Variants in JMJD1C observed in about 807,000 individuals in gnomAD.
JMJD1C encodes the protein jumonji domain containing 1C, also known as jumonji domain-containing protein 1C.
A neutral mutation model predicts 245.3 loss-of-function variants in JMJD1C; 31 were observed. That is an observed-to-expected ratio of 0.13 (90% CI 0.09 to 0.17). The LOEUF is 0.17. JMJD1C is among the 10% of genes least tolerant of loss of function. JMJD1C has a pLI of 1.00. For synonymous variants in JMJD1C, 1,057 were observed against 1,017.4 expected (o/e 1.04, Z -0.74); for missense variants, 2,691 against 3,000.2 (o/e 0.90, Z 2.41).
intron 1 of JMJD1C, among the ~76,000 whole-genome samples, chr10:63,454,411 C>T (rs1364475611): frequency 6.6e-6 from 1 of 152,040 alleles, no homozygotes; most frequent in African/African-American, 2.4e-5. Flanking sequence ...GCTTGCACCA[C>T]CACACCCAGC....
In JMJD1C at chr10:63,495,451, A is replaced by T. The variant is rs570958541; in HGVS notation, n.113+26287T>A. On this transcript the variant is annotated intron_variant and non_coding_transcript_variant, in intron 1 of 3. Coordinates refer to the JMJD1C transcript ENST00000633035. ...AAACAATTCATTCATCAACTTTGGAAGACTCTAAGGAAACAGTTCATTAGT... is the reference window on the plus strand; with the variant it reads ...AAACAATTCATTCATCAACTTTGGATGACTCTAAGGAAACAGTTCATTAGT... Among the ~76,000 whole-genome samples, 17 of 152,152 alleles carry T rather than the reference A, an allele frequency of 1.1e-4. No homozygotes were observed. The South Asian group carries it at 3.3e-3, about 30-fold the overall frequency.
intron 1 of JMJD1C, among the ~76,000 whole-genome samples, chr10:63,411,442 G>T (rs2132663652): frequency 6.6e-6 from 1 of 151,942 alleles, no homozygotes; most frequent in South Asian, 2.1e-4. Context: ...GGGATTACAG[G>T]TGCCCACCAC....
At chr10:63,454,785 A>C (rs1310119648) in intron 1 of JMJD1C, among the ~76,000 whole-genome samples, 1 of 152,358 alleles carries the variant, frequency 6.6e-6, no homozygotes, top group African/African-American at 2.4e-5. Flanking sequence ...ACTGAAAAGC[A>C]CAGCTCTGTA....
intron 1 of JMJD1C, among the ~76,000 whole-genome samples, chr10:63,386,681 G>C (rs750815533): frequency 6.6e-6 from 1 of 152,192 alleles, no homozygotes; most frequent in Non-Finnish European, 1.5e-5. Flanking sequence ...GACTGATTTA[G>C]TCAGCCTGTC....
intron 1 of JMJD1C, among the ~76,000 whole-genome samples, chr10:63,423,844 C>G (rs1950272199): frequency 6.6e-6 from 1 of 152,132 alleles, no homozygotes; most frequent in Non-Finnish European, 1.5e-5. Context: ...AAATTATAGT[C>G]ATATTAGTAA....
At position 63,214,905 on chromosome 10, in the gene JMJD1C, T is replaced by G. The variant is rs1449087603; in HGVS notation, c.1262A>C (p.Lys421Thr). 9 of 1,612,872 alleles carry G rather than the reference T, an allele frequency of 5.6e-6. No homozygotes were observed. The highest frequency in any genetic ancestry group is 1.3e-5 in the African/African-American group (1 of 75,006). The change falls in exon 8 of 26, where the codon AAG (lysine) becomes ACG (threonine). Residue 421 changes from lysine to threonine, a missense_variant. Lys to Thr is a moderately conservative substitution (Grantham distance 78). This residue lies in a region of JMJD1C where 1,562 missense variants were observed against 1,490.7 expected (regional missense o/e 1.05). Coordinates refer to ENST00000399262, the MANE Select transcript of JMJD1C (RefSeq NM_032776.3). ...ATTTTTTAGGGTCTCTTCTCCTGCC[T>G]TCTCATTATTATGGGGTTTTCCTTC... is the stretch of plus-strand genomic sequence containing the variant. Reference protein sequence around the residue: ...GEEGKPHNNEKAGEETLKNSQ... With the variant: ...GEEGKPHNNETAGEETLKNSQ...
intron 1 of JMJD1C, among the ~76,000 whole-genome samples, chr10:63,464,534 C>A (rs910100279): frequency 1.3e-5 from 2 of 152,076 alleles, no homozygotes; most frequent in African/African-American, 2.4e-5. Context: ...CATAAATCAA[C>A]CTTTGGAAGT....
At chr10:63,472,474 G>C (rs752709416) in intron 1 of JMJD1C, among the ~76,000 whole-genome samples, 1 of 152,142 alleles carries the variant, frequency 6.6e-6, no homozygotes, top group Non-Finnish European at 1.5e-5. Flanking sequence ...TGGAATTAAA[G>C]GCATGTGCCA....
intron 1 of JMJD1C, among the ~76,000 whole-genome samples, chr10:63,394,264 A>C (rs1407555330): frequency 1.3e-5 from 2 of 152,086 alleles, no homozygotes; most frequent in Non-Finnish European, 2.9e-5. Context: ...TAAGAGAATA[A>C]AGTCCAGAAA....
chr10:63,342,989 A>G (rs1039901215), intron 2 of JMJD1C, among the ~76,000 whole-genome samples: 2 of 152,168 alleles, frequency 1.3e-5, no homozygotes, highest in Non-Finnish European at 2.9e-5. Flanking sequence ...AAATATTCTA[A>G]AACCTGAAAA....
intron 1 of JMJD1C, among the ~76,000 whole-genome samples, chr10:63,520,851 G>A (rs1449775498): frequency 6.6e-6 from 1 of 152,186 alleles, no homozygotes; most frequent in Non-Finnish European, 1.5e-5. Context: ...GAGACTCGTG[G>A]CACACACGGA....
intron 3 of JMJD1C, among the ~76,000 whole-genome samples, chr10:63,234,812 A>G (rs1850524070): frequency 1.3e-5 from 2 of 151,984 alleles, no homozygotes; most frequent in Admixed American, 1.3e-4. Flanking sequence ...ATGCTATTCT[A>G]TTAGTACGAC....
At chr10:63,420,606 G>A (rs1164420374) in intron 1 of JMJD1C, among the ~76,000 whole-genome samples, 4 of 151,434 alleles carry the variant, frequency 2.6e-5, no homozygotes, top group Admixed American at 2.6e-4. Flanking sequence ...ATGGGGGGTG[G>A]GGGGCGCGGG....
At chr10:63,462,657 G>C (rs868706882) in intron 1 of JMJD1C, among the ~76,000 whole-genome samples, 1 of 152,190 alleles carries the variant, frequency 6.6e-6, no homozygotes, top group Non-Finnish European at 1.5e-5. Flanking sequence ...AACGGTCAGA[G>C]AGATACAACT....
intron 1 of JMJD1C, among the ~76,000 whole-genome samples, chr10:63,482,162 A>G (rs925206931): frequency 2.0e-5 from 3 of 150,696 alleles, no homozygotes; most frequent in East Asian, 4.0e-4. Flanking sequence ...ATTGATGAGG[A>G]AAAAAAAATT....
At chr10:63,490,687 T>TA (rs1954144952) in intron 1 of JMJD1C, among the ~76,000 whole-genome samples, 1 of 152,202 alleles carries the variant, frequency 6.6e-6, no homozygotes, top group Non-Finnish European at 1.5e-5. Flanking sequence ...GTGCTGGGAT[T>TA]ACAGGCGTGA....
At chr10:63,490,426 T>A (rs1033644356) in intron 1 of JMJD1C, among the ~76,000 whole-genome samples, 4 of 150,870 alleles carry the variant, frequency 2.7e-5, no homozygotes, top group African/African-American at 9.7e-5. Context: ...TATTTTATTT[T>A]TTTTTTTTGA....
chr10:63,313,031 T>C (rs1381792043), intron 2 of JMJD1C, among the ~76,000 whole-genome samples: 2 of 152,172 alleles, frequency 1.3e-5, no homozygotes, highest in Non-Finnish European at 1.5e-5. Context: ...TTGTGGGATT[T>C]TGGTGCACTC....
chr10:63,200,286 T>C (rs1181839080), intron 11 of JMJD1C, among the ~76,000 whole-genome samples, 190 bp downstream of exon 11: 1 of 152,218 alleles, frequency 6.6e-6, no homozygotes, highest in Non-Finnish European at 1.5e-5. Flanking sequence ...AATGTATGTA[T>C]TTAGTCTTAT....
Sources: gnomAD v4.1 joint callset for allele counts (sites outside exome capture counted in the v4.1 genomes callset) on GRCh38, gnomAD v4.1.1 for gene constraint, gnomAD v4.1.1 regional missense constraint, MANE v1.5 for transcripts, NCBI Gene and HGNC (gene_info 2026-07-23, HGNC 2026-07-21) for gene names.